The following PLEKHG4B variants were observed in gnomAD, a reference collection of about 807,000 sequenced individuals.
PLEKHG4B encodes the protein pleckstrin homology and RhoGEF domain containing G4B.
Under a neutral mutation model 121.3 loss-of-function variants are expected in PLEKHG4B, and 111 were observed. The ratio of observed to expected loss-of-function variants is 0.92; its 90% CI spans 0.78 to 1.07. The LOEUF (loss-of-function observed/expected upper bound fraction) is 1.07. Among genes scored for constraint, PLEKHG4B ranks in the 50% least tolerant of loss-of-function variants. The pLI, the probability that PLEKHG4B is intolerant of heterozygous loss-of-function variation, is 0.00. For synonymous variants in PLEKHG4B, 738 were observed against 725.0 expected, an observed-to-expected ratio of 1.02 and a Z score of -0.29; for missense variants, 1,831 against 1,757.8, an observed-to-expected ratio of 1.04 and a Z score of -0.74.
chr5:127,558 A>G (rs866769483), intron 2 of PLEKHG4B, among the ~76,000 whole-genome samples: 23 of 152,016 alleles, frequency 1.5e-4, no homozygotes, highest in South Asian at 1.2e-3. Flanking sequence ...AGACAAAAAA[A>G]TGAAAGGGGT....
At chr5:160,948 A>G (rs1363694431) in intron 11 of PLEKHG4B, among the ~76,000 whole-genome samples, 3 of 152,100 alleles carry the variant, frequency 2.0e-5, no homozygotes, top group African/African-American at 7.2e-5. Context: ...CAGACAGCGT[A>G]TGTGCTGGTC....
At chr5:125,192 T>TA (rs1203218257) in intron 2 of PLEKHG4B, among the ~76,000 whole-genome samples, 4 of 152,214 alleles carry the variant, frequency 2.6e-5, no homozygotes, top group Admixed American at 2.0e-4. Context: ...TTAAAGTAGT[T>TA]ACTGATAAAC....
At position 151,510 on chromosome 5, in the gene PLEKHG4B, C is replaced by T. The variant is rs1301306173; in HGVS notation, c.1906-3C>T. On this transcript the variant is annotated splice_polypyrimidine_tract_variant and splice_region_variant and intron_variant, in intron 6 of 19. Transcript: ENST00000637938. ...AGTAATATTTATTTCTTATTTATTT[C>T]AGAACAACACATCTCCTATAATTCA... is the stretch of plus-strand genomic sequence containing the variant. 1.3e-6 allele frequency: 2 copies of T among 1,530,276 alleles called. No homozygotes were observed. Among genetic ancestry groups the T allele is most frequent in the East Asian group, 4.5e-5 (2 of 44,298 alleles). The allele number at this position is 1,530,276 out of a possible 1,614,324, so 94.8% of individuals were successfully genotyped here.
chr5:179,217 T>A (rs1736858685), intron 18 of PLEKHG4B, among the ~76,000 whole-genome samples: 2 of 152,240 alleles, frequency 1.3e-5, no homozygotes, highest in Admixed American at 1.3e-4. Context: ...TTCACTTTTA[T>A]CTTTTTATCT....
At position 135,665 on chromosome 5, in the gene PLEKHG4B, CAA is replaced by C. The variant is rs139636561; in HGVS notation, c.244-3801_244-3800del. 7.5e-3 allele frequency among the ~76,000 whole-genome samples: 136 copies of C among 18,084 alleles called. 2 individuals are homozygous for C. Among genetic ancestry groups the C allele is most frequent in the East Asian group, 0.02 (9 of 454 alleles). The allele number at this position is 18,084 out of a possible 152,430, so 11.9% of individuals were successfully genotyped here. A position where few individuals can be genotyped will look rare whatever the true frequency, so the allele number is the denominator to read the frequency against. ...TGGGCGACAAAGCAAGACTCCATCT[CAA>C]AAAAAAAAAAAAAAAATATATATAT... On this transcript the variant is annotated intron_variant, in intron 2 of 19. Coordinates refer to ENST00000637938, the MANE Select transcript of PLEKHG4B (RefSeq NM_052909.5).
At chr5:173,283 T>C (rs1247862887) in intron 17 of PLEKHG4B, among the ~76,000 whole-genome samples, 2 of 152,134 alleles carry the variant, frequency 1.3e-5, no homozygotes. Context: ...TCCAGTCCCA[T>C]GTCCAGTCCA....
In PLEKHG4B at chr5:151,613, C is replaced by T. The variant is rs769984225; in HGVS notation, c.1992+14C>T. The T allele has an allele frequency of 1.7e-5, 26 of 1,506,064 alleles. No individual in the cohort carries two copies. The highest frequency in any genetic ancestry group is 2.3e-5 in the Non-Finnish European group (25 of 1,090,334). The allele number at this position is 1,506,064 out of a possible 1,614,324, so 93.3% of individuals were successfully genotyped here. On this transcript the variant is annotated intron_variant, in intron 7 of 19. Transcript: ENST00000637938. ...GCAATAATTCAGGTAATGGTTTAGA[C>T]TGTGGGATCCTGAGTGATGGATAAA...
rs903769176 is a variant in PLEKHG4B, at chr5:188,905, A to G, written c.*6582A>G. 1 of 152,264 alleles carries G rather than the reference A, an allele frequency of 6.6e-6. No individual in the cohort carries two copies. Among genetic ancestry groups the G allele is most frequent in the Non-Finnish European group, 1.5e-5 (1 of 68,062 alleles). 9.4% of individuals were successfully genotyped at this position (152,264 alleles called of 1,614,324 possible). A position where few individuals can be genotyped will look rare whatever the true frequency, so the allele number is the denominator to read the frequency against. Reference sequence around the variant, plus strand: ...TGCCAGGCCACGTCTGTGCTGTCACAGCTTTGAGGGGCCAGCGGGTCCTAG... The same window carrying G: ...TGCCAGGCCACGTCTGTGCTGTCACGGCTTTGAGGGGCCAGCGGGTCCTAG... On this transcript the variant is annotated 3_prime_UTR_variant, in exon 20 of 20. Transcript: ENST00000637938.
Position 156,624 on chromosome 5 carries a change from C to T in PLEKHG4B, c.2349-149C>T. The T allele has an allele frequency of 9.0e-7, 1 of 1,110,986 alleles. No individual in the cohort carries two copies. The highest frequency in any genetic ancestry group is 1.3e-6 in the Non-Finnish European group (1 of 792,642). The allele number at this position is 1,110,986 out of a possible 1,614,324, so 68.8% of individuals were successfully genotyped here. On this transcript the variant is annotated intron_variant, in intron 10 of 19. Coordinates refer to ENST00000637938, the MANE Select transcript of PLEKHG4B (RefSeq NM_052909.5). The surrounding 1 kb of genome is among the most constrained non-coding windows in gnomAD (Gnocchi z 4.4). ...AGAACGCATGGAGCACATCTGTGCC[C>T]CGCCTCGGTTGTGGGCCTCCTCCTG...
At chr5:176,749 A>G (rs901734534) in intron 18 of PLEKHG4B, among the ~76,000 whole-genome samples, 3 of 152,262 alleles carry the variant, frequency 2.0e-5, no homozygotes, top group Non-Finnish European at 4.4e-5. Context: ...GGTTCCTCTC[A>G]GGGTTCAGAA....
At chr5:98,425 CTTTTT>C (rs55733931) in intron 1 of PLEKHG4B, among the ~76,000 whole-genome samples, 3 of 46,828 alleles carry the variant, frequency 6.4e-5, no homozygotes, top group East Asian at 8.4e-4. Context: ...TTTACTGTAG[CTTTTT>C]TTTTTTTTTT....
At chr5:133,487 A>G (rs535937180) in intron 2 of PLEKHG4B, among the ~76,000 whole-genome samples, 4 of 152,332 alleles carry the variant, frequency 2.6e-5, no homozygotes, top group East Asian at 3.9e-4. Context: ...TGAATAGACA[A>G]TTCTCAAAAG....
At chr5:165,397 A>G (rs1366937126) in intron 13 of PLEKHG4B, among the ~76,000 whole-genome samples, 2 of 25,954 alleles carry the variant, frequency 7.7e-5, no homozygotes, top group African/African-American at 1.7e-4. Flanking sequence ...GACGGGGCGG[A>G]GCTCACACTA....
In PLEKHG4B at chr5:163,024, G is replaced by A. The variant is rs1736084612; in HGVS notation, c.2952G>A (p.Met984Ile). ...AGCATGAGCGTGCCCAGGAGGCCAT[G>A]AGGAGGCACCAGAAGCCACCCTCAT... ...PPKHERAQEA[M>I]RRHQKPPSFP... The change falls in exon 13 of 20, where the codon ATG (methionine) becomes ATA (isoleucine). Residue 984 changes from methionine (M) to isoleucine (I), a missense_variant. By Grantham distance (10) the Met-to-Ile change is conservative. Transcript: ENST00000637938. The A allele has an allele frequency of 6.4e-7, 1 of 1,563,328 alleles. No individual in the cohort carries two copies. Among genetic ancestry groups the A allele is most frequent in the Non-Finnish European group, 8.7e-7 (1 of 1,153,794 alleles).
rs781259071 is a variant in PLEKHG4B, at chr5:171,213, G to C, written c.3820-1G>C. The C allele has an allele frequency of 1.2e-6, 2 of 1,604,480 alleles. No individual in the cohort carries two copies. The highest frequency in any genetic ancestry group is 1.7e-6 in the Non-Finnish European group (2 of 1,173,586). On this transcript the variant is annotated splice_acceptor_variant, in intron 15 of 19. Transcript: ENST00000637938. LOFTEE classifies it high-confidence loss of function. ...CTGACCCTCTCACCCGGCCCTTGCA[G>C]GACAAGCAGCGGGAGCTAGGTGACA...
Position 139,045 on chromosome 5 carries a change from G to A in PLEKHG4B, c.244-438G>A, listed in dbSNP as rs1243036480. Among the ~76,000 whole-genome samples, 2 of 152,208 alleles carry A rather than the reference G, an allele frequency of 1.3e-5. No homozygotes were observed. The highest frequency in any genetic ancestry group is 2.9e-5 in the Non-Finnish European group (2 of 68,030). ...GCCTGCAGCAGCCGGGAGCCACAGGGAGCACCGGGAGTGCAGAGGAGGGAG... is the reference window on the plus strand; with the variant it reads ...GCCTGCAGCAGCCGGGAGCCACAGGAAGCACCGGGAGTGCAGAGGAGGGAG... On this transcript the variant is annotated intron_variant, in intron 2 of 19. Transcript: ENST00000637938. This position sits in a 1 kb window ranked among gnomAD's most constrained non-coding sequence, Gnocchi z 5.0.
chr5:184,879 A>C lies in PLEKHG4B; in HGVS notation c.*2556A>C, dbSNP rs576045180. On this transcript the variant is annotated 3_prime_UTR_variant, in exon 20 of 20. Coordinates refer to ENST00000637938, the MANE Select transcript of PLEKHG4B (RefSeq NM_052909.5). The stretch of plus-strand genomic sequence containing the variant: ...CGCATCTCTATTAAAAATAAATAAA[A>C]GTTAACTGACTGTTTAAACAAAAGT... The C allele has an allele frequency of 5.0e-4, 76 of 152,326 alleles. No homozygotes were observed. Among genetic ancestry groups the C allele is most frequent in the African/African-American group, 1.7e-3 (70 of 41,564 alleles). 9.4% of individuals were successfully genotyped at this position (152,326 alleles called of 1,614,324 possible).
chr5:132,118 C>T (rs765539397), intron 2 of PLEKHG4B, among the ~76,000 whole-genome samples: 1 of 151,846 alleles, frequency 6.6e-6, no homozygotes, highest in Non-Finnish European at 1.5e-5. Flanking sequence ...CAAGGATGCG[C>T]ACTTTCACCA....
intron 1 of PLEKHG4B, among the ~76,000 whole-genome samples, chr5:92,505 GGCGCGAGCATCAAGGCGGGC>G (rs1733494998): frequency 7.9e-6 from 1 of 127,324 alleles, no homozygotes; most frequent in African/African-American, 3.1e-5. Flanking sequence ...GCGGGGTGAA[GGCGCGAGCATCAAGGCGGGC>G]GGGCGCGGGG....
Sources: allele counts gnomAD v4.1 joint callset (sites outside exome capture counted in the v4.1 genomes callset), GRCh38; gene constraint gnomAD v4.1.1; non-coding constraint Gnocchi (gnomAD v3.1); transcripts MANE v1.5; gene names NCBI Gene and HGNC (gene_info 2026-07-23, HGNC 2026-07-21).